Variants in SMIM3 observed in about 807,000 individuals in gnomAD.
The protein encoded by SMIM3 is NGF-induced differentiation clone 67 protein.
Under a neutral mutation model 2.1 loss-of-function variants are expected in SMIM3, and 4 were observed. That is an observed-to-expected ratio of 1.89 (90% CI 0.93 to 4.31). The LOEUF (loss-of-function observed/expected upper bound fraction) is 4.31, where lower values mean the gene tolerates loss of function less well. SMIM3 is among the 30% of genes most tolerant of loss of function. The pLI, the probability that SMIM3 is intolerant of heterozygous loss-of-function variation, is 0.01. For synonymous variants in SMIM3, 29 were observed against 30.8 expected, an observed-to-expected ratio of 0.94 and a Z score of 0.19; for missense variants, 79 against 77.7, an observed-to-expected ratio of 1.02 and a Z score of -0.06.
At chr5:150,782,684 T>A (rs549769776) in intron 1 of SMIM3, among the ~76,000 whole-genome samples, 1 of 152,304 alleles carries the variant, frequency 6.6e-6, no homozygotes, top group African/African-American at 2.4e-5. Flanking sequence ...GAGGACATCA[T>A]GTTATTTTGG....
intron 1 of SMIM3, among the ~76,000 whole-genome samples, chr5:150,779,457 G>T (rs974147684): frequency 2.6e-5 from 4 of 152,224 alleles, no homozygotes; most frequent in Non-Finnish European, 4.4e-5. Context: ...GGCGCCAGGA[G>T]TTTGGAGTCA....
At chr5:150,787,975 G>A (rs778924117) in intron 1 of SMIM3, among the ~76,000 whole-genome samples, 1 of 152,096 alleles carries the variant, frequency 6.6e-6, no homozygotes, top group African/African-American at 2.4e-5. Flanking sequence ...CCTGGACAGA[G>A]TTACTTATCA....
chr5:150,788,083 G>T (rs928501183), intron 1 of SMIM3, among the ~76,000 whole-genome samples: 9 of 152,140 alleles, frequency 5.9e-5, no homozygotes, highest in African/African-American at 2.2e-4. Context: ...CAGGCTTGTT[G>T]CCTTGAATCC....
chr5:150,787,120 A>G (rs1753301079), intron 1 of SMIM3, among the ~76,000 whole-genome samples: 2 of 152,096 alleles, frequency 1.3e-5, no homozygotes, highest in Admixed American at 1.3e-4. Flanking sequence ...TAGTCTCCTG[A>G]GTCAGTACTG....
At chr5:150,785,692 C>G (rs371869455) in intron 1 of SMIM3, among the ~76,000 whole-genome samples, 1 of 148,046 alleles carries the variant, frequency 6.8e-6, no homozygotes, top group Non-Finnish European at 1.5e-5. Context: ...AAATGATTCT[C>G]CTGCTTTAGC....
intron 1 of SMIM3, among the ~76,000 whole-genome samples, chr5:150,781,980 G>A (rs898860321): frequency 6.6e-6 from 1 of 152,168 alleles, no homozygotes; most frequent in Non-Finnish European, 1.5e-5. Flanking sequence ...CACAGCTCTG[G>A]CTGTGTTCCG....
chr5:150,783,800 C>A (rs1406870657), intron 1 of SMIM3, among the ~76,000 whole-genome samples: 2 of 151,772 alleles, frequency 1.3e-5, no homozygotes, highest in African/African-American at 4.8e-5. Flanking sequence ...AAGCTGGGGA[C>A]AGCTTAAAAT....
Position 150,783,513 on chromosome 5 carries a change from G to A in SMIM3, c.-12+4541G>A, listed in dbSNP as rs184148664. Among the ~76,000 whole-genome samples the A allele has an allele frequency of 3.3e-4, 50 of 152,376 alleles. 1 individual carries two copies. The East Asian group carries it at 8.5e-3, about 26-fold the overall frequency. ...AGCTGTCTGCTCTCTGGCCACCGTG[G>A]CTGGTGGAAACAAAACAGCAGCAGC... On this transcript the variant is annotated intron_variant, in intron 1 of 1. Coordinates refer to ENST00000526627, the MANE Select transcript of SMIM3 (RefSeq NM_032947.5).
intron 1 of SMIM3, among the ~76,000 whole-genome samples, chr5:150,786,429 A>T (rs1002125134): frequency 6.6e-6 from 1 of 152,128 alleles, no homozygotes; most frequent in African/African-American, 2.4e-5. Context: ...CTGGGACTAC[A>T]GGTGCACACC....
Position 150,779,758 on chromosome 5 carries a change from C to T in SMIM3, c.-12+786C>T, listed in dbSNP as rs374918011. ...ATCGTCATCTCTGAGGCATTCTCAG[C>T]TCTTGGAGCAGGGCCTGGCTAACAG... On this transcript the variant is annotated intron_variant, in intron 1 of 1. Coordinates refer to ENST00000526627, the MANE Select transcript of SMIM3 (RefSeq NM_032947.5). Among the ~76,000 whole-genome samples, 107 of 152,206 alleles carry T rather than the reference C, an allele frequency of 7.0e-4. 1 individual carries two copies. The Middle Eastern group carries it at 0.017, about 24-fold the overall frequency.
intron 1 of SMIM3, among the ~76,000 whole-genome samples, chr5:150,780,972 C>T (rs891820006): frequency 1.3e-5 from 2 of 152,210 alleles, no homozygotes; most frequent in Admixed American, 6.5e-5. Flanking sequence ...TCATACTTGC[C>T]ATTTACTGAG....
In SMIM3 at chr5:150,795,547, C is replaced by T. The variant is rs61736140; in HGVS notation, c.107C>T (p.Ser36Leu). The T allele has an allele frequency of 8.1e-3, 12,965 of 1,609,174 alleles. 75 individuals are homozygous for T. The highest frequency in any genetic ancestry group is 9.4e-3 in the Non-Finnish European group (11,054 of 1,179,222). The change falls in exon 2 of 2, where the codon TCG becomes TTG. Residue 36 changes from serine to leucine, a missense_variant. Ser to Leu is a moderately radical substitution (Grantham distance 145). Coordinates refer to ENST00000526627, the MANE Select transcript of SMIM3 (RefSeq NM_032947.5). The stretch of plus-strand genomic sequence containing the variant: ...CTGGCCACCATTGTCATCATGACCT[C>T]GTTGTTGCTGTGCCCAGCCACTGCA... ...IILATIVIMT[S>L]LLLCPATAVI... is the part of the protein sequence containing the mutation.
At chr5:150,795,379 G>A in intron 1 of SMIM3, 51 bp from the exon 2 acceptor site, 1 of 1,591,120 alleles carries the variant, frequency 6.3e-7, no homozygotes, top group South Asian at 1.1e-5. Flanking sequence ...TCTAACCAGG[G>A]AGGCAGGGAG....
intron 1 of SMIM3, among the ~76,000 whole-genome samples, chr5:150,792,497 C>A (rs1753358883): frequency 6.6e-6 from 1 of 152,160 alleles, no homozygotes; most frequent in Non-Finnish European, 1.5e-5. Context: ...ACTAATCTTA[C>A]TACATGCCTT....
rs1753398083 is a variant in SMIM3 at position 150,795,712 on chromosome 5, T to C, written c.*89T>C. ...CTTCAGAAAAGCAGCAGGAGGGACT[T>C]TGGGGCATGGACCTGAGTTCTGGTT... On this transcript the variant is annotated 3_prime_UTR_variant, in exon 2 of 2. Transcript: ENST00000526627. 7 of 1,407,124 alleles carry C rather than the reference T, an allele frequency of 5.0e-6. 1 individual carries two copies. The South Asian group carries it at 6.7e-5, about 13-fold the overall frequency. 87.2% of individuals were successfully genotyped at this position (1,407,124 alleles called of 1,614,324 possible). A position where few individuals can be genotyped will look rare whatever the true frequency, so the allele number is the denominator to read the frequency against.
chr5:150,783,921 T>C (rs1480189860), intron 1 of SMIM3, among the ~76,000 whole-genome samples: 1 of 124,114 alleles, frequency 8.1e-6, no homozygotes, highest in Non-Finnish European at 1.7e-5. Flanking sequence ...TCCCTTTTTT[T>C]TTTTTTTTTT....
At chr5:150,781,219 G>C (rs1041313067) in intron 1 of SMIM3, among the ~76,000 whole-genome samples, 1 of 152,158 alleles carries the variant, frequency 6.6e-6, no homozygotes, top group Non-Finnish European at 1.5e-5. Flanking sequence ...GAATTGGGGG[G>C]AACTAGGTTC....
At chr5:150,782,680 A>C (rs10080203) in intron 1 of SMIM3, among the ~76,000 whole-genome samples, 2 of 152,204 alleles carry the variant, frequency 1.3e-5, no homozygotes, top group Non-Finnish European at 2.9e-5. Flanking sequence ...ATCAGAGGAC[A>C]TCATGTTATT....
intron 1 of SMIM3, among the ~76,000 whole-genome samples, chr5:150,781,839 A>C (rs1753237114): frequency 1.3e-5 from 2 of 152,204 alleles, no homozygotes; most frequent in South Asian, 2.1e-4. Flanking sequence ...AGTCACTGGC[A>C]AATAGCAATG....
Sources: gnomAD v4.1 joint callset for allele counts (sites outside exome capture counted in the v4.1 genomes callset) on GRCh38, gnomAD v4.1.1 for gene constraint, MANE v1.5 for transcripts, NCBI Gene and HGNC (gene_info 2026-07-23, HGNC 2026-07-21) for gene names.